Variants in GSR observed in about 807,000 individuals in gnomAD.
The protein encoded by GSR is glutathione-disulfide reductase, also known as glutathione reductase, mitochondrial.
GSR carries 48 observed loss-of-function variants against 56.5 expected under a neutral mutation model. The observed-to-expected ratio is 0.85, with a 90% CI of 0.67 to 1.08. The LOEUF (loss-of-function observed/expected upper bound fraction) is 1.08. Among genes scored for constraint, GSR ranks in the 50% least tolerant of loss-of-function variants. The pLI is 0.00. For missense variants in GSR, 694 were observed against 703.3 expected (o/e 0.99, Z 0.15); for synonymous variants, 264 against 270.8 (o/e 0.97, Z 0.25).
intron 1 of GSR, among the ~76,000 whole-genome samples, chr8:30,713,003 TG>T (rs1299159827): frequency 6.6e-6 from 1 of 152,054 alleles, no homozygotes; most frequent in African/African-American, 2.4e-5. Context: ...AATACACTTA[TG>T]GAATAAAAGT....
intron 3 of GSR, among the ~76,000 whole-genome samples, chr8:30,708,470 A>T (rs140166887): frequency 1.3e-5 from 2 of 152,306 alleles, no homozygotes; most frequent in East Asian, 3.9e-4. Context: ...TAAATAAATA[A>T]ATTTGCTAAA....
intron 1 of GSR, among the ~76,000 whole-genome samples, chr8:30,712,380 T>C (rs908963258): frequency 1.3e-5 from 2 of 152,160 alleles, no homozygotes; most frequent in African/African-American, 2.4e-5. Context: ...GCAGAATACA[T>C]GGATAAACAC....
rs754947848 is a variant in GSR, at chr8:30,700,081, C to T, written c.695G>A (p.Gly232Asp). Residue 232 changes from glycine (G) to aspartate (D), a missense_variant and splice_region_variant, in exon 6 of 13, where the codon GGC becomes GAC. Gly to Asp is a moderately conservative substitution (Grantham distance 94). Coordinates refer to ENST00000221130, the MANE Select transcript of GSR (RefSeq NM_000637.5). ...CTGAGGTCAGGTCAGGTTGGCTTACCCGGGCAATTCTTCCAGCTGAAAAAA... is the reference window on the plus strand; with the variant it reads ...CTGAGGTCAGGTCAGGTTGGCTTACTCGGGCAATTCTTCCAGCTGAAAAAA... ...DGFFQLEELP[G>D]RSVIVGAGYI... is the part of the protein sequence containing the mutation. The T allele has an allele frequency of 6.2e-7, 1 of 1,611,798 alleles. No homozygotes were observed. The highest frequency in any genetic ancestry group is 1.3e-5 in the African/African-American group (1 of 74,862).
intron 9 of GSR, 53 bp from the exon 10 acceptor site, chr8:30,684,252 G>T (rs1407014143): frequency 1.0e-6 from 1 of 999,782 alleles, no homozygotes; most frequent in East Asian, 2.4e-5. Context: ...ACTAAAAAAG[G>T]TAGATCAAAC....
At chr8:30,727,465 A>G in intron 1 of GSR, 65 bp downstream of exon 1, 1 of 1,420,274 alleles carries the variant, frequency 7.0e-7, no homozygotes, top group Non-Finnish European at 9.6e-7. Context: ...GAACGAGCAC[A>G]GGCTGTCCCC....
At chr8:30,690,821 T>G (rs1803353857) in intron 8 of GSR, among the ~76,000 whole-genome samples, 1 of 152,146 alleles carries the variant, frequency 6.6e-6, no homozygotes, top group African/African-American at 2.4e-5. Context: ...TCTCAACACT[T>G]TGGGAGGCCG....
Position 30,679,271 on chromosome 8 carries a change from G to T in GSR, c.*249C>A. The T allele has an allele frequency of 2.0e-6, 1 of 510,874 alleles. No individual in the cohort carries two copies. The highest frequency in any genetic ancestry group is 3.5e-6 in the Non-Finnish European group (1 of 287,048). 31.6% of individuals were successfully genotyped at this position (510,874 alleles called of 1,614,324 possible). A position where few individuals can be genotyped will look rare whatever the true frequency, so the allele number is the denominator to read the frequency against. ...AGAAAAAAAAAACTAGCACAGAGCT[G>T]TTAATAAAAAAAAAACTTGAAAATA... On this transcript the variant is annotated 3_prime_UTR_variant, in exon 13 of 13. Transcript: ENST00000221130.
chr8:30,708,052 TA>T lies in GSR; in HGVS notation c.492+19del, dbSNP rs1255832385. 2 of 1,581,636 alleles carry T rather than the reference TA, an allele frequency of 1.3e-6. No homozygotes were observed. Among genetic ancestry groups the T allele is most frequent in the East Asian group, 2.2e-5 (1 of 44,716 alleles). ...GAAGGGAACAGCTCTTTCTCAAAGTTAAAAACCCAGCATACACACCTTGGTG... is the reference window on the plus strand; with the variant it reads ...GAAGGGAACAGCTCTTTCTCAAAGTTAAAACCCAGCATACACACCTTGGTG... On this transcript the variant is annotated intron_variant, in intron 4 of 12. Coordinates refer to ENST00000221130, the MANE Select transcript of GSR (RefSeq NM_000637.5).
Position 30,701,102 on chromosome 8 carries a change from C to CA in GSR, c.641-968dup, listed in dbSNP as rs1333879869. On this transcript the variant is annotated intron_variant, in intron 5 of 12. Transcript: ENST00000221130. ...TACCACCTGCTCCCAATAATGCAGA[C>CA]AAAGCCTTCAGTTGTCAACTGCTGA... is the stretch of plus-strand genomic sequence containing the variant. 4.6e-5 allele frequency among the ~76,000 whole-genome samples: 7 copies of CA among 152,310 alleles called. No individual in the cohort carries two copies. The East Asian group carries it at 1.4e-3, about 29-fold the overall frequency.
chr8:30,696,508 T>C, intron 6 of GSR, 29 bp from the exon 7 acceptor site: 3 of 1,390,588 alleles, frequency 2.2e-6, no homozygotes, highest in Non-Finnish European at 2.0e-6. Flanking sequence ...GTTAGTATTC[T>C]TAAATAAACT....
At chr8:30,708,263 A>G in intron 3 of GSR, 122 bp from the exon 4 acceptor site, 1 of 772,706 alleles carries the variant, frequency 1.3e-6, no homozygotes, top group Admixed American at 1.8e-5. Context: ...AACCGCAGTG[A>G]GTGAATGTCT....
chr8:30,719,540 C>G (rs565470351), intron 1 of GSR, among the ~76,000 whole-genome samples: 1 of 152,252 alleles, frequency 6.6e-6, no homozygotes, highest in East Asian at 1.9e-4. Flanking sequence ...CGTGAGCCAC[C>G]ACACCCAGCT....
intron 12 of GSR, among the ~76,000 whole-genome samples, 164 bp from the exon 13 acceptor site, chr8:30,679,833 G>A (rs188732149): frequency 2.0e-5 from 3 of 151,460 alleles, no homozygotes; most frequent in Admixed American, 2.0e-4. Context: ...AGCCTCCCGA[G>A]TAGCTGGGAT....
Position 30,689,268 on chromosome 8 carries a change from C to T in GSR, c.934G>A (p.Ala312Thr). 2 of 1,613,790 alleles carry T rather than the reference C, an allele frequency of 1.2e-6. No homozygotes were observed. The highest frequency in any genetic ancestry group is 1.1e-5 in the South Asian group (1 of 91,078). The change falls in exon 9 of 13, where the codon GCA (alanine) becomes ACA (threonine). Residue 312 changes from alanine (A) to threonine (T), a missense_variant. By Grantham distance (58) the Ala-to-Thr change is moderately conservative (BLOSUM62 0). Transcript: ENST00000221130. ...LSGLEVSMVT[A>T]VPGRLPVMTM... Reference sequence around the variant, plus strand: ...ATGACTGGTAGCCTACCGGGAACTGCAGTAACCATGCTGACTTCCAAGCCC... The same window carrying T: ...ATGACTGGTAGCCTACCGGGAACTGTAGTAACCATGCTGACTTCCAAGCCC...
chr8:30,712,831 A>C (rs1804201967), intron 1 of GSR, among the ~76,000 whole-genome samples: 1 of 152,256 alleles, frequency 6.6e-6, no homozygotes, highest in African/African-American at 2.4e-5. Flanking sequence ...TAAATATTAG[A>C]TCTCATAAAA....
At chr8:30,722,490 C>T (rs1406307342) in intron 1 of GSR, among the ~76,000 whole-genome samples, 1 of 152,120 alleles carries the variant, frequency 6.6e-6, no homozygotes, top group Non-Finnish European at 1.5e-5. Context: ...CTTTGAGAGG[C>T]TAAGGTGGGA....
At chr8:30,720,199 C>T (rs532404686) in intron 1 of GSR, among the ~76,000 whole-genome samples, 1 of 152,054 alleles carries the variant, frequency 6.6e-6, no homozygotes, top group African/African-American at 2.4e-5. Context: ...GGTGACAGAG[C>T]AAGACCCTGT....
intron 7 of GSR, 37 bp from the exon 8 acceptor site, chr8:30,693,092 A>C (rs1340076500): frequency 7.8e-7 from 1 of 1,280,576 alleles, no homozygotes; most frequent in Admixed American, 1.7e-5. Flanking sequence ...TGCGAGAGGA[A>C]GAAAACTTGA....
At chr8:30,692,201 T>C (rs1302823744) in intron 8 of GSR, among the ~76,000 whole-genome samples, 1 of 131,882 alleles carries the variant, frequency 7.6e-6, no homozygotes, top group East Asian at 2.2e-4. Flanking sequence ...TACAGCTTTT[T>C]TTTTTTTTTT....
Sources: allele counts gnomAD v4.1 joint callset (sites outside exome capture counted in the v4.1 genomes callset), GRCh38; gene constraint gnomAD v4.1.1; transcripts MANE v1.5; gene names NCBI Gene and HGNC (gene_info 2026-07-23, HGNC 2026-07-21).